The following RAD51B variants were observed in gnomAD, a reference collection of about 807,000 sequenced individuals.
The protein encoded by RAD51B is RAD51 paralog B.
In RAD51B, 38 loss-of-function variants were observed where a neutral mutation model predicts 42.2. The ratio of observed to expected loss-of-function variants is 0.90; its 90% CI spans 0.70 to 1.18. The LOEUF is 1.18. Ranked by LOEUF, RAD51B falls within the 50% of genes most tolerant of loss-of-function variation. The pLI, the probability that RAD51B is intolerant of heterozygous loss-of-function variation, is 0.00. For synonymous variants in RAD51B, 154 were observed against 145.2 expected (o/e 1.06, Z -0.43); for missense variants, 373 against 400.7 (o/e 0.93, Z 0.59).
intron 10 of RAD51B, among the ~76,000 whole-genome samples, chr14:68,573,350 A>T (rs1889805900): frequency 6.6e-6 from 1 of 151,684 alleles, no homozygotes; most frequent in South Asian, 2.1e-4. Context: ...TTCTCAGAGA[A>T]ACCAAGCACA....
intron 7 of RAD51B, among the ~76,000 whole-genome samples, chr14:67,949,404 A>G (rs2074400496): frequency 6.6e-6 from 1 of 152,234 alleles, no homozygotes; most frequent in Non-Finnish European, 1.5e-5. Flanking sequence ...TTCTTTGCTC[A>G]TACCTTATCC....
At chr14:67,833,213 T>A (rs1273145387) in intron 3 of RAD51B, among the ~76,000 whole-genome samples, 1 of 152,014 alleles carries the variant, frequency 6.6e-6, no homozygotes, top group Non-Finnish European at 1.5e-5. Flanking sequence ...CCGTCTCTAC[T>A]AAAAATACAA....
chr14:67,941,585 A>G (rs953150134), intron 7 of RAD51B, among the ~76,000 whole-genome samples: 1 of 152,204 alleles, frequency 6.6e-6, no homozygotes, highest in Admixed American at 6.5e-5. Context: ...GCCTAATTAC[A>G]GCCAGCTTAG....
chr14:67,835,192 C>G lies in RAD51B; in HGVS notation c.311C>G (p.Thr104Arg), dbSNP rs781229009. The change falls in exon 4 of 11, where the codon ACA becomes AGA. Residue 104 changes from threonine (T) to arginine (R), a missense_variant. Transcript: ENST00000471583. ...LHGGVACGSLTEITGPPGCGK... is the reference protein window; with the variant it reads ...LHGGVACGSLREITGPPGCGK... ...GGTGGTGTGGCTTGTGGATCCCTCACAGAGGTAAAGGAAAAATTTTTCGTA... is the reference window on the plus strand; with the variant it reads ...GGTGGTGTGGCTTGTGGATCCCTCAGAGAGGTAAAGGAAAAATTTTTCGTA... The G allele has an allele frequency of 1.2e-5, 19 of 1,611,562 alleles. No homozygotes were observed. Among genetic ancestry groups the G allele is most frequent in the Non-Finnish European group, 1.6e-5 (19 of 1,177,998 alleles).
chr14:68,318,585 G>A (rs2082103568), intron 8 of RAD51B, among the ~76,000 whole-genome samples: 1 of 152,196 alleles, frequency 6.6e-6, no homozygotes, highest in Non-Finnish European at 1.5e-5. Flanking sequence ...CTAAGAAAGA[G>A]AGAGTTTTGC....
At chr14:68,338,817 C>T (rs2082511429) in intron 8 of RAD51B, 1 of 589,562 alleles carries the variant, frequency 1.7e-6, no homozygotes, top group South Asian at 1.4e-5. Flanking sequence ...GACATTGCCT[C>T]CCCAGTGACA....
chr14:67,903,708 C>T (rs953663657), intron 7 of RAD51B, among the ~76,000 whole-genome samples: 7 of 152,136 alleles, frequency 4.6e-5, no homozygotes, highest in South Asian at 2.1e-4. Flanking sequence ...GCCATGTGAT[C>T]GAGTTCTGGA....
At chr14:68,537,343 A>G (rs1887691611) in intron 10 of RAD51B, among the ~76,000 whole-genome samples, 2 of 151,356 alleles carry the variant, frequency 1.3e-5, no homozygotes, top group Non-Finnish European at 2.9e-5. Context: ...CTAAAAATAC[A>G]AAAAAATTAG....
chr14:68,562,873 T>A, intron 10 of RAD51B: 1 of 985,374 alleles, frequency 1.0e-6, no homozygotes, highest in Non-Finnish European at 1.2e-6. Context: ...AGAGAGGAAC[T>A]CAGAAACCTC....
chr14:68,394,806 C>T (rs1793383438), intron 8 of RAD51B, among the ~76,000 whole-genome samples: 1 of 152,204 alleles, frequency 6.6e-6, no homozygotes, highest in Admixed American at 6.5e-5. Context: ...GGCTGACCTC[C>T]CTGGGCTGGG....
intron 8 of RAD51B, among the ~76,000 whole-genome samples, chr14:68,295,442 C>T (rs578236860): frequency 1.4e-4 from 21 of 152,276 alleles, no homozygotes; most frequent in African/African-American, 4.3e-4. Context: ...ATTAAAGGAG[C>T]GTGAGAGAGC....
At chr14:68,323,173 T>C (rs559974245) in intron 8 of RAD51B, among the ~76,000 whole-genome samples, 32 of 152,148 alleles carry the variant, frequency 2.1e-4, no homozygotes, top group Admixed American at 1.9e-3. Flanking sequence ...GACCATGGGA[T>C]CTGGGAGTGA....
chr14:67,928,987 A>G (rs2044631458), intron 7 of RAD51B, among the ~76,000 whole-genome samples: 1 of 151,492 alleles, frequency 6.6e-6, no homozygotes, highest in African/African-American at 2.4e-5. Context: ...TTTATTTGGG[A>G]CGTCTCTTCT....
chr14:68,626,462 C>T (rs747585278), intron 10 of RAD51B, among the ~76,000 whole-genome samples: 12 of 152,210 alleles, frequency 7.9e-5, no homozygotes, highest in Non-Finnish European at 1.3e-4. Flanking sequence ...GGGCTCAGCT[C>T]ACTCAGGATG....
chr14:68,456,216 G>A (rs868416971), intron 9 of RAD51B, among the ~76,000 whole-genome samples: 3 of 152,160 alleles, frequency 2.0e-5, no homozygotes, highest in African/African-American at 4.8e-5. Context: ...AAAATGGCAG[G>A]CATATATCCT....
At chr14:68,282,508 A>G (rs2081338994) in intron 7 of RAD51B, among the ~76,000 whole-genome samples, 1 of 152,152 alleles carries the variant, frequency 6.6e-6, no homozygotes, top group African/African-American at 2.4e-5. Context: ...GTGTGTCTAT[A>G]TTGATGTCAT....
At chr14:68,201,838 C>T (rs2079492027) in intron 7 of RAD51B, among the ~76,000 whole-genome samples, 1 of 152,082 alleles carries the variant, frequency 6.6e-6, no homozygotes, top group Non-Finnish European at 1.5e-5. Context: ...GATAAAAAGG[C>T]ATTTAAGATA....
intron 7 of RAD51B, among the ~76,000 whole-genome samples, chr14:68,036,266 A>G (rs2076120554): frequency 6.6e-6 from 1 of 152,212 alleles, no homozygotes; most frequent in Non-Finnish European, 1.5e-5. Flanking sequence ...TAACGTTACA[A>G]AATGAAGCAG....
intron 10 of RAD51B, among the ~76,000 whole-genome samples, chr14:68,649,101 G>C (rs1234622928): frequency 6.6e-6 from 1 of 152,122 alleles, no homozygotes; most frequent in Non-Finnish European, 1.5e-5. Context: ...GAGTCCTCTG[G>C]GGAAAAGTTA....
Sources: gnomAD v4.1 joint callset for allele counts (sites outside exome capture counted in the v4.1 genomes callset) on GRCh38, gnomAD v4.1.1 for gene constraint, MANE v1.5 for transcripts, NCBI Gene and HGNC (gene_info 2026-07-23, HGNC 2026-07-21) for gene names.